The following KLHL29 variants were observed in gnomAD, a reference collection of about 807,000 sequenced individuals.
KLHL29 encodes the protein kelch like family member 29.
A neutral mutation model predicts 80.4 loss-of-function variants in KLHL29; 21 were observed. That is an observed-to-expected ratio of 0.26 (90% confidence interval 0.19 to 0.38). The LOEUF is 0.38. Among genes scored for constraint, KLHL29 ranks in the 10% least tolerant of loss-of-function variants. The pLI is 1.00. For missense variants in KLHL29, 867 were observed against 1,223.9 expected (o/e 0.71, Z 4.35); for synonymous variants, 511 against 526.8 (o/e 0.97, Z 0.41).
chr2:23,604,017 T>A (rs1449143775), intron 3 of KLHL29, among the ~76,000 whole-genome samples: 1 of 152,214 alleles, frequency 6.6e-6, no homozygotes, highest in Non-Finnish European at 1.5e-5. Flanking sequence ...ACAGTTCTAG[T>A]GTGGGTCTGG....
At chr2:23,497,467 G>T (rs72778310) in intron 2 of KLHL29, among the ~76,000 whole-genome samples, 3,002 of 152,248 alleles carry the variant, frequency 0.02, 36 homozygotes, top group Non-Finnish European at 0.025. Context: ...AGGACTGCTG[G>T]GGGAGACGGT....
intron 1 of KLHL29, among the ~76,000 whole-genome samples, chr2:23,452,459 A>C (rs1185602503): frequency 6.6e-6 from 1 of 152,090 alleles, no homozygotes; most frequent in Non-Finnish European, 1.5e-5. Context: ...ATCTCATTTC[A>C]ACATGAGATT....
intron 1 of KLHL29, among the ~76,000 whole-genome samples, chr2:23,453,816 G>A (rs1177436739): frequency 1.3e-5 from 2 of 151,742 alleles, no homozygotes; most frequent in Non-Finnish European, 2.9e-5. Context: ...TTTTTTTTTA[G>A]AAGAAAATTC....
In KLHL29 at chr2:23,680,653, A is replaced by G. The variant is rs966008763; in HGVS notation, c.941-3746A>G. Among the ~76,000 whole-genome samples the G allele has an allele frequency of 6.6e-6, 1 of 151,524 alleles. No individual in the cohort carries two copies. Among genetic ancestry groups the G allele is most frequent in the African/African-American group, 2.4e-5 (1 of 41,166 alleles). On this transcript the variant is annotated intron_variant, in intron 5 of 13. Transcript: ENST00000486442. The surrounding 1 kb of genome is among the most constrained non-coding windows in gnomAD (Gnocchi z 4.1). The stretch of plus-strand genomic sequence containing the variant: ...TAGGCCATCTTCTCCTGGGGTCTCT[A>G]GGCCATCTTCTCCTGGGCTCTCTAG...
chr2:23,530,329 C>T (rs925655845), intron 2 of KLHL29, among the ~76,000 whole-genome samples: 6 of 152,212 alleles, frequency 3.9e-5, no homozygotes, highest in South Asian at 2.1e-4. Context: ...AGTTCCATCA[C>T]GCTGGAATGT....
At chr2:23,639,424 G>A (rs1669707059) in intron 4 of KLHL29, 144 bp downstream of exon 4, 4 of 746,732 alleles carry the variant, frequency 5.4e-6, no homozygotes, top group African/African-American at 3.6e-5. Context: ...GGGGGCAAAG[G>A]CACTGTGTGT....
intron 3 of KLHL29, among the ~76,000 whole-genome samples, chr2:23,638,223 T>C (rs1194281293): frequency 6.6e-6 from 1 of 152,134 alleles, no homozygotes; most frequent in Non-Finnish European, 1.5e-5. Context: ...CACAGGGATG[T>C]TTACATAGGG....
chr2:23,510,639 G>T (rs1299082849), intron 2 of KLHL29, among the ~76,000 whole-genome samples: 4 of 152,228 alleles, frequency 2.6e-5, no homozygotes, highest in Non-Finnish European at 5.9e-5. Flanking sequence ...GAGGGAGCAG[G>T]AGCTGGGTGG....
At chr2:23,478,541 C>G (rs564104372) in intron 2 of KLHL29, among the ~76,000 whole-genome samples, 7 of 152,280 alleles carry the variant, frequency 4.6e-5, no homozygotes, top group African/African-American at 1.7e-4. Flanking sequence ...GAAGGCCATA[C>G]TGGAACCAGC....
chr2:23,598,269 G>A (rs1477919065), intron 3 of KLHL29, among the ~76,000 whole-genome samples: 2 of 152,160 alleles, frequency 1.3e-5, no homozygotes, highest in East Asian at 1.9e-4. Flanking sequence ...AAAAAAAACC[G>A]AGGGTTAGGG....
At position 23,684,426 on chromosome 2, in the gene KLHL29, G is replaced by A. The variant is rs1671178799; in HGVS notation, c.968G>A (p.Arg323His). Residue 323 changes from arginine to histidine, a missense_variant, in exon 6 of 14, where the codon CGC (arginine) becomes CAC (histidine). Arg to His is a conservative substitution (Grantham distance 29). This residue lies in a region of KLHL29 where 443 missense variants were observed against 767.0 expected (regional missense o/e 0.58). Transcript: ENST00000486442. The surrounding 1 kb of genome is among the most constrained non-coding windows in gnomAD (Gnocchi z 4.4). ...ATGTTGAAGGAATTGAACCAGCAACGCAGAGCGAAAGCGTTTACAGACCTG... is the reference window on the plus strand; with the variant it reads ...ATGTTGAAGGAATTGAACCAGCAACACAGAGCGAAAGCGTTTACAGACCTG... Reference protein sequence around the residue: ...REMLKELNQQRRAKAFTDLKI... With the variant: ...REMLKELNQQHRAKAFTDLKI... 1.9e-6 allele frequency: 3 copies of A among 1,547,372 alleles called. No individual in the cohort carries two copies. Among genetic ancestry groups the A allele is most frequent in the Non-Finnish European group, 2.6e-6 (3 of 1,145,446 alleles).
chr2:23,637,158 CCA>C (rs1221114934), intron 3 of KLHL29, among the ~76,000 whole-genome samples: 1 of 152,118 alleles, frequency 6.6e-6, no homozygotes, highest in Non-Finnish European at 1.5e-5. Context: ...GCTCCCAGGC[CCA>C]GTGTGGGACT....
chr2:23,546,296 A>T (rs191185022), intron 2 of KLHL29, among the ~76,000 whole-genome samples: 6 of 152,342 alleles, frequency 3.9e-5, no homozygotes, highest in Admixed American at 1.3e-4. Context: ...TTAGTATGTC[A>T]TCAGATACAG....
chr2:23,580,228 C>T (rs1205725683), intron 3 of KLHL29, among the ~76,000 whole-genome samples: 3 of 150,960 alleles, frequency 2.0e-5, no homozygotes, highest in Non-Finnish European at 4.4e-5. Context: ...AAAAGCTAGC[C>T]GGGCATGGTG....
At chr2:23,439,522 G>T (rs1486214667) in intron 1 of KLHL29, among the ~76,000 whole-genome samples, 1 of 150,994 alleles carries the variant, frequency 6.6e-6, no homozygotes, top group Non-Finnish European at 1.5e-5. Context: ...CTTTGTTCTC[G>T]TTGGTTTCAA....
intron 1 of KLHL29, among the ~76,000 whole-genome samples, chr2:23,444,182 C>T (rs939956531): frequency 3.3e-5 from 5 of 152,082 alleles, no homozygotes; most frequent in African/African-American, 7.2e-5. Flanking sequence ...TAGGGATGCT[C>T]GTTCTAAGGC....
intron 2 of KLHL29, among the ~76,000 whole-genome samples, chr2:23,516,398 G>A (rs190729634): frequency 6.6e-5 from 10 of 151,936 alleles, no homozygotes; most frequent in South Asian, 4.2e-4. Context: ...ATACACACAC[G>A]CGCACACACA....
intron 5 of KLHL29, among the ~76,000 whole-genome samples, chr2:23,656,568 G>A (rs1014624706): frequency 6.6e-6 from 1 of 152,236 alleles, no homozygotes; most frequent in African/African-American, 2.4e-5. Flanking sequence ...TGCCTCTTGG[G>A]AACACCTTAG....
intron 1 of KLHL29, among the ~76,000 whole-genome samples, chr2:23,403,532 A>G (rs1666644922): frequency 6.6e-6 from 1 of 152,230 alleles, no homozygotes; most frequent in Non-Finnish European, 1.5e-5. Context: ...ATTGAATGCC[A>G]GTGCCAGCAT....
Sources: allele counts gnomAD v4.1 joint callset (sites outside exome capture counted in the v4.1 genomes callset), GRCh38; gene constraint gnomAD v4.1.1; regional missense constraint gnomAD v4.1.1; non-coding constraint Gnocchi (gnomAD v3.1); transcripts MANE v1.5; gene names NCBI Gene and HGNC (gene_info 2026-07-23, HGNC 2026-07-21).